TEX14: variants seen among roughly 807,000 people sequenced by gnomAD.
TEX14 encodes the protein testis expressed 14, intercellular bridge forming factor.
A neutral mutation model predicts 178.6 loss-of-function variants in TEX14; 168 were observed. That is an observed-to-expected ratio of 0.94 (90% CI 0.83 to 1.07). TEX14 has a LOEUF of 1.07. TEX14 is among the 50% of genes least tolerant of loss of function. The probability of loss-of-function intolerance (pLI) is 0.00; values close to 1 mark genes in which losing one functional copy is unlikely to be tolerated. For missense variants in TEX14, 1,730 were observed against 1,753.6 expected (o/e 0.99, Z 0.24); for synonymous variants, 626 against 634.1 (o/e 0.99, Z 0.19).
intron 30 of TEX14, 62 bp downstream of exon 30, chr17:58,559,391 C>G: frequency 1.4e-6 from 1 of 723,082 alleles, no homozygotes; most frequent in South Asian, 1.8e-5. Flanking sequence ...TTCTAAATAA[C>G]TTTGAAGCAC....
At chr17:58,602,742 T>A in intron 11 of TEX14, 152 bp from the exon 12 acceptor site, 1 of 618,864 alleles carries the variant, frequency 1.6e-6, no homozygotes, top group Non-Finnish European at 2.7e-6. Flanking sequence ...AACAATTCAT[T>A]TCCTTATATA....
At chr17:58,644,730 C>G (rs148591897) in intron 2 of TEX14, among the ~76,000 whole-genome samples, 1 of 149,692 alleles carries the variant, frequency 6.7e-6, no homozygotes, top group East Asian at 2.0e-4. Flanking sequence ...CAACCTCCGC[C>G]CCCCCTGGTT....
Position 58,587,920 on chromosome 17 carries a change from G to T in TEX14, c.2678C>A (p.Pro893His). ...CCTGGTAGAGTCCCAGTGACAGCTG[G>T]GTGATGCAGAAGGTCCCTGCCGGTG... ...SSHRQGPSAS[P>H]SCHWDSTRMS... is the part of the protein sequence containing the mutation. The change falls in exon 16 of 32, where the codon CCC becomes CAC. Residue 893 changes from proline to histidine, a missense_variant. By Grantham distance (77) the Pro-to-His change is moderately conservative (BLOSUM62 -2). Transcript: ENST00000349033. 1 of 1,613,696 alleles carries T rather than the reference G, an allele frequency of 6.2e-7. No individual in the cohort carries two copies. Among genetic ancestry groups the T allele is most frequent in the Non-Finnish European group, 8.5e-7 (1 of 1,179,748 alleles).
intron 15 of TEX14, 36 bp downstream of exon 15, chr17:58,593,519 C>T: frequency 6.7e-7 from 1 of 1,481,590 alleles, no homozygotes; most frequent in East Asian, 2.3e-5. Flanking sequence ...AGTCTAAAGG[C>T]ATAGTGACAT....
At chr17:58,584,846 T>C (rs1478771862) in intron 18 of TEX14, among the ~76,000 whole-genome samples, 2 of 152,076 alleles carry the variant, frequency 1.3e-5, no homozygotes, top group Admixed American at 6.6e-5. Flanking sequence ...TAAATACAAA[T>C]AATACCCAAG....
chr17:58,599,430 G>A lies in TEX14; in HGVS notation c.1915C>T (p.Pro639Ser). 6.2e-7 allele frequency: 1 copy of A among 1,614,126 alleles called. No homozygotes were observed. The highest frequency in any genetic ancestry group is 1.7e-5 in the Admixed American group (1 of 60,012). The change falls in exon 14 of 32, where the codon CCT becomes TCT. Residue 639 changes from proline to serine, a missense_variant. Pro to Ser is a moderately conservative substitution (Grantham distance 74, BLOSUM62 -1). Coordinates refer to ENST00000349033, the MANE Select transcript of TEX14 (RefSeq NM_031272.5). ...TCCAAAGATGAAGCAGCTCCTGGAGGCTCTTCTATGTCATCTTCCAAAATC... is the reference window on the plus strand; with the variant it reads ...TCCAAAGATGAAGCAGCTCCTGGAGACTCTTCTATGTCATCTTCCAAAATC... Reference protein sequence around the residue: ...CLILEDDIEEPPGAASSLEAD... With the variant: ...CLILEDDIEESPGAASSLEAD...
intron 1 of TEX14, among the ~76,000 whole-genome samples, chr17:58,658,452 T>C (rs1015397204): frequency 7.6e-5 from 11 of 144,014 alleles, no homozygotes; most frequent in Non-Finnish European, 1.7e-4. Context: ...TACAGTGGTG[T>C]GATCTCGGCT....
intron 2 of TEX14, among the ~76,000 whole-genome samples, chr17:58,648,722 G>A (rs917000679): frequency 2.0e-5 from 3 of 150,730 alleles, no homozygotes; most frequent in East Asian, 3.9e-4. Flanking sequence ...AGGGCCTCTT[G>A]TCTTGAGACT....
chr17:58,614,813 A>G (rs1442981365), intron 8 of TEX14, among the ~76,000 whole-genome samples: 1 of 152,198 alleles, frequency 6.6e-6, no homozygotes, highest in Non-Finnish European at 1.5e-5. Flanking sequence ...GCCTGTCCTC[A>G]ATGGCACAGA....
Position 58,556,825 on chromosome 17 carries a change from A to G in TEX14, c.*186T>C. 1 of 499,476 alleles carries G rather than the reference A, an allele frequency of 2.0e-6. No individual in the cohort carries two copies. The highest frequency in any genetic ancestry group is 3.6e-6 in the Non-Finnish European group (1 of 278,202). 30.9% of individuals were successfully genotyped at this position (499,476 alleles called of 1,614,324 possible). A position where few individuals can be genotyped will look rare whatever the true frequency, so the allele number is the denominator to read the frequency against. ...ACTTTTCAGAAATCTGACTGAAAAC[A>G]AATGGTTGAATGTGCTGCTAACAGA... On this transcript the variant is annotated 3_prime_UTR_variant, in exon 32 of 32. Transcript: ENST00000349033.
Position 58,588,013 on chromosome 17 carries a change from C to G in TEX14, c.2585G>C (p.Arg862Thr). 8.9e-7 allele frequency: 1 copy of G among 1,129,092 alleles called. No individual in the cohort carries two copies. The highest frequency in any genetic ancestry group is 1.4e-6 in the Non-Finnish European group (1 of 737,622). The allele number at this position is 1,129,092 out of a possible 1,614,324, so 69.9% of individuals were successfully genotyped here. Residue 862 changes from arginine (R) to threonine (T), a missense_variant, in exon 16 of 32, where the codon AGA (arginine) becomes ACA (threonine). This residue lies in a region of TEX14 where 941 missense variants were observed against 1,072.4 expected (regional missense o/e 0.88). Transcript: ENST00000349033. ...SRIQNTSSQGRPRESTAQAKA... is the reference protein window; with the variant it reads ...SRIQNTSSQGTPRESTAQAKA... ...GGCTTGGGCAGTGGACTCTCTAGGT[C>G]TTCCCTGGCTAAGAAATGAAAGGAC...
chr17:58,674,702 T>C (rs547165217), intron 1 of TEX14, among the ~76,000 whole-genome samples: 7 of 151,382 alleles, frequency 4.6e-5, no homozygotes, highest in South Asian at 2.1e-4. Context: ...GAAGAAAACA[T>C]AGATGTAAAT....
Position 58,599,589 on chromosome 17 carries a change from G to A in TEX14, c.1756C>T (p.Leu586=), listed in dbSNP as rs1477756023. 1 of 1,613,904 alleles carries A rather than the reference G, an allele frequency of 6.2e-7. No individual in the cohort carries two copies. Among genetic ancestry groups the A allele is most frequent in the Non-Finnish European group, 8.5e-7 (1 of 1,179,964 alleles). Reference sequence around the variant, plus strand: ...TGATTCTGAGTCTCCCTGGCCATCAGACATGGATCTGGGGCCTGAGGATCT... The same window carrying A: ...TGATTCTGAGTCTCCCTGGCCATCAAACATGGATCTGGGGCCTGAGGATCT... ...TLDPQAPDPC[L]MARETQNQDA... The change falls in exon 14 of 32, where the codon CTG becomes TTG. Residue 586 remains leucine, a synonymous_variant. Transcript: ENST00000349033.
intron 19 of TEX14, chr17:58,581,723 G>A: frequency 6.2e-7 from 1 of 1,609,994 alleles, no homozygotes; most frequent in Non-Finnish European, 8.5e-7. Context: ...TGATTGCATG[G>A]ACTGATGCTA....
chr17:58,573,138 CTG>C, intron 23 of TEX14, 41 bp downstream of exon 23: 1 of 1,608,282 alleles, frequency 6.2e-7, no homozygotes, highest in Non-Finnish European at 8.5e-7. Flanking sequence ...TGGGCTGGGG[CTG>C]TAAGTCCTTC....
At chr17:58,635,204 TC>T (rs2046407293) in intron 2 of TEX14, among the ~76,000 whole-genome samples, 1 of 152,034 alleles carries the variant, frequency 6.6e-6, no homozygotes, top group Non-Finnish European at 1.5e-5. Context: ...TAATAAACCA[TC>T]ATTCATCTAT....
At chr17:58,592,151 T>A (rs912614448) in intron 15 of TEX14, among the ~76,000 whole-genome samples, 5 of 151,828 alleles carry the variant, frequency 3.3e-5, no homozygotes, top group African/African-American at 7.2e-5. Context: ...CCAAAAAAAA[T>A]TTTAATCAAT....
chr17:58,574,324 A>G, intron 21 of TEX14, 75 bp from the exon 22 acceptor site: 1 of 1,167,038 alleles, frequency 8.6e-7, no homozygotes, highest in Non-Finnish European at 1.3e-6. Context: ...GCTACAAGGA[A>G]CCAGTTGATC....
chr17:58,565,704 C>T (rs368324409), intron 27 of TEX14, 43 bp downstream of exon 27: 798 of 1,451,704 alleles, frequency 5.5e-4, no homozygotes, highest in Non-Finnish European at 7.3e-4. Context: ...CCAAGGACAG[C>T]GTTAAAAGAA....
Sources: allele counts gnomAD v4.1 joint callset (sites outside exome capture counted in the v4.1 genomes callset), GRCh38; gene constraint gnomAD v4.1.1; regional missense constraint gnomAD v4.1.1; transcripts MANE v1.5; gene names NCBI Gene and HGNC (gene_info 2026-07-23, HGNC 2026-07-21).